The following PXK variants were observed in gnomAD, a reference collection of about 807,000 sequenced individuals.
PXK encodes the protein PX domain containing serine/threonine kinase like, also known as PX domain-containing protein kinase-like protein.
PXK carries 35 observed loss-of-function variants against 84.7 expected under a neutral mutation model. The ratio of observed to expected loss-of-function variants is 0.41; its 90% CI spans 0.32 to 0.55. The LOEUF is 0.55. Among genes scored for constraint, PXK ranks in the 20% least tolerant of loss-of-function variants. The probability of loss-of-function intolerance (pLI) is 0.21; values close to 1 mark genes in which losing one functional copy is unlikely to be tolerated. For synonymous variants in PXK, 253 were observed against 260.8 expected, an observed-to-expected ratio of 0.97 and a Z score of 0.29; for missense variants, 634 against 699.7, an observed-to-expected ratio of 0.91 and a Z score of 1.06.
chr3:58,390,899 A>G lies in PXK; in HGVS notation c.466+240A>G, dbSNP rs370405413. On this transcript the variant is annotated intron_variant, in intron 5 of 17. Coordinates refer to ENST00000356151, the MANE Select transcript of PXK (RefSeq NM_017771.5). This position sits in a 1 kb window ranked among gnomAD's most constrained non-coding sequence, Gnocchi z 4.2. The stretch of plus-strand genomic sequence containing the variant: ...CAGAAACACCATTCCTTCTTCATCT[A>G]TCTTTTTCACTACATCTAAACTGAA... 2.9e-4 allele frequency among the ~76,000 whole-genome samples: 44 copies of G among 152,328 alleles called. No individual in the cohort carries two copies. In the South Asian group the frequency reaches 3.7e-3, roughly 13 times the overall value.
chr3:58,419,056 G>A (rs1035347230), intron 17 of PXK, among the ~76,000 whole-genome samples: 1 of 152,220 alleles, frequency 6.6e-6, no homozygotes, highest in Admixed American at 6.5e-5. Flanking sequence ...AACAAAGTAT[G>A]GACAGCTGTG....
At chr3:58,381,767 A>T (rs941359413) in intron 3 of PXK, among the ~76,000 whole-genome samples, 2 of 152,100 alleles carry the variant, frequency 1.3e-5, no homozygotes, top group African/African-American at 4.8e-5. Flanking sequence ...CCATAATGGG[A>T]AATCTACAGA....
intron 1 of PXK, among the ~76,000 whole-genome samples, chr3:58,341,850 C>T (rs538619999): frequency 6.6e-6 from 1 of 151,986 alleles, no homozygotes; most frequent in East Asian, 1.9e-4. Flanking sequence ...ACTACAGGCA[C>T]CCGCTACCAC....
intron 1 of PXK, among the ~76,000 whole-genome samples, chr3:58,352,336 A>T (rs1290119659): frequency 4.6e-5 from 7 of 152,186 alleles, no homozygotes; most frequent in Non-Finnish European, 4.4e-5. Context: ...GGCGTGAGGG[A>T]TGAGGAGCTG....
At chr3:58,358,591 C>G (rs979672834) in intron 1 of PXK, among the ~76,000 whole-genome samples, 3 of 152,176 alleles carry the variant, frequency 2.0e-5, no homozygotes, top group Non-Finnish European at 4.4e-5. Context: ...AGTTTCTCAA[C>G]CTTGGTACTT....
At chr3:58,373,081 T>TTA in intron 3 of PXK, among the ~76,000 whole-genome samples, 1 of 132,156 alleles carries the variant, frequency 7.6e-6, no homozygotes, top group East Asian at 4.7e-4. Context: ...AGTCCGTCAT[T>TTA]TCTTTTTTTT....
intron 1 of PXK, among the ~76,000 whole-genome samples, chr3:58,334,928 GGTGT>G (rs143395201): frequency 0.012 from 1,560 of 130,250 alleles, 10 homozygotes; most frequent in Middle Eastern, 0.066. Context: ...TTATTGTAAG[GGTGT>G]GTGTGTGTGT....
At chr3:58,340,973 C>CT (rs57344727) in intron 1 of PXK, among the ~76,000 whole-genome samples, 2,365 of 145,144 alleles carry the variant, frequency 0.016, 65 homozygotes, top group African/African-American at 0.053. Context: ...AGAGTTTTTC[C>CT]TTTTTTTTTT....
intron 1 of PXK, among the ~76,000 whole-genome samples, chr3:58,344,983 C>A (rs73835188): frequency 0.047 from 7,137 of 151,990 alleles, 587 homozygotes; most frequent in African/African-American, 0.16. Flanking sequence ...GGGGTTCCAA[C>A]ATCAGTACAT....
intron 13 of PXK, among the ~76,000 whole-genome samples, chr3:58,404,399 G>A (rs1291150348): frequency 3.3e-5 from 5 of 152,130 alleles, no homozygotes; most frequent in East Asian, 1.9e-4. Flanking sequence ...GCCTGTGCAC[G>A]GTAGGATGTG....
intron 1 of PXK, among the ~76,000 whole-genome samples, chr3:58,337,763 C>T (rs1464313205): frequency 6.6e-6 from 1 of 152,150 alleles, no homozygotes; most frequent in Non-Finnish European, 1.5e-5. Flanking sequence ...AGCCACTGTA[C>T]CTGGCCTCAA....
At chr3:58,404,913 G>A (rs1332032208) in intron 13 of PXK, among the ~76,000 whole-genome samples, 1 of 150,552 alleles carries the variant, frequency 6.6e-6, no homozygotes, top group Non-Finnish European at 1.5e-5. Context: ...AGCTTCTTTG[G>A]ATCTGAAGTA....
chr3:58,365,752 TG>T, intron 1 of PXK, 121 bp from the exon 2 acceptor site: 1 of 709,880 alleles, frequency 1.4e-6, no homozygotes, highest in Non-Finnish European at 2.2e-6. Flanking sequence ...TCTCTGTCTC[TG>T]GTAAATTTCC....
chr3:58,338,180 A>G (rs1046169735), intron 1 of PXK, among the ~76,000 whole-genome samples: 2 of 151,944 alleles, frequency 1.3e-5, no homozygotes, highest in Admixed American at 6.6e-5. Context: ...AGTCTCTACT[A>G]AAAATACAAA....
Position 58,390,758 on chromosome 3 carries a change from C to A in PXK, c.466+99C>A. ...CGTATCCCAGGAACATGCTTAAATGCAGGTGACTTCTTTTTCTTTTTGCAT... is the reference window on the plus strand; with the variant it reads ...CGTATCCCAGGAACATGCTTAAATGAAGGTGACTTCTTTTTCTTTTTGCAT... On this transcript the variant is annotated intron_variant, in intron 5 of 17. Transcript: ENST00000356151. This position sits in a 1 kb window ranked among gnomAD's most constrained non-coding sequence, Gnocchi z 4.2. The A allele has an allele frequency of 8.8e-7, 1 of 1,136,568 alleles. No individual in the cohort carries two copies. The highest frequency in any genetic ancestry group is 1.3e-6 in the Non-Finnish European group (1 of 799,118). The allele number at this position is 1,136,568 out of a possible 1,614,324, so 70.4% of individuals were successfully genotyped here. A position where few individuals can be genotyped will look rare whatever the true frequency, so the allele number is the denominator to read the frequency against.
At position 58,369,428 on chromosome 3, in the gene PXK, C is replaced by T. The variant is rs753920361; in HGVS notation, c.154-3C>T. The T allele has an allele frequency of 3.7e-6, 6 of 1,606,668 alleles. No individual in the cohort carries two copies. The African/African-American group carries it at 6.7e-5, about 18-fold the overall frequency. On this transcript the variant is annotated splice_region_variant and splice_polypyrimidine_tract_variant and intron_variant, in intron 2 of 17. Coordinates refer to ENST00000356151, the MANE Select transcript of PXK (RefSeq NM_017771.5). ...TCAAAACACTACTTCTTGTCTCTTA[C>T]AGATTGTTAGAAGATACAGTGACTT...
chr3:58,421,986 C>T lies in PXK; in HGVS notation c.1529-2766C>T, dbSNP rs2061949605. 3 of 985,278 alleles carry T rather than the reference C, an allele frequency of 3.0e-6. No homozygotes were observed. In the South Asian group the frequency reaches 1.4e-4, roughly 46 times the overall value. 61.0% of individuals were successfully genotyped at this position (985,278 alleles called of 1,614,324 possible). Reference sequence around the variant, plus strand: ...TCTCTTGGCAGGAAGGCCTCATTCACATCTGAGGGGTGGAGAGCGCGCAGG... The same window carrying T: ...TCTCTTGGCAGGAAGGCCTCATTCATATCTGAGGGGTGGAGAGCGCGCAGG... On this transcript the variant is annotated intron_variant, in intron 17 of 17. Coordinates refer to ENST00000356151, the MANE Select transcript of PXK (RefSeq NM_017771.5). The surrounding 1 kb of genome is among the most constrained non-coding windows in gnomAD (Gnocchi z 5.5).
intron 3 of PXK, among the ~76,000 whole-genome samples, chr3:58,381,827 T>C (rs1444343255): frequency 6.6e-6 from 1 of 151,968 alleles, no homozygotes; most frequent in Non-Finnish European, 1.5e-5. Context: ...GCATTCCCCA[T>C]TGTCAAAAGA....
intron 3 of PXK, among the ~76,000 whole-genome samples, chr3:58,371,489 G>T (rs2098370336): frequency 1.3e-5 from 2 of 152,208 alleles, no homozygotes; most frequent in Admixed American, 6.6e-5. Context: ...GCGAACCTTT[G>T]CTTGTGCATA....
Sources: gnomAD v4.1 joint callset for allele counts (sites outside exome capture counted in the v4.1 genomes callset) on GRCh38, gnomAD v4.1.1 for gene constraint, Gnocchi (gnomAD v3.1) non-coding constraint, MANE v1.5 for transcripts, NCBI Gene and HGNC (gene_info 2026-07-23, HGNC 2026-07-21) for gene names.